The following ADAMTSL1 variants were observed in gnomAD, a reference collection of about 807,000 sequenced individuals.
The protein encoded by ADAMTSL1 is ADAMTS like 1.
ADAMTSL1 carries 126 observed loss-of-function variants against 201.8 expected under a neutral mutation model. That is an observed-to-expected ratio of 0.62 (90% CI 0.54 to 0.72). The LOEUF is 0.72. Ranked by LOEUF, ADAMTSL1 falls within the 30% of genes least tolerant of loss-of-function variation. ADAMTSL1 has a pLI of 0.00. For synonymous variants in ADAMTSL1, 1,121 were observed against 903.4 expected (o/e 1.24, Z -4.32); for missense variants, 2,679 against 2,277.8 (o/e 1.18, Z -3.59).
intron 23 of ADAMTSL1, among the ~76,000 whole-genome samples, chr9:18,887,068 A>G (rs1828944618): frequency 6.6e-6 from 1 of 152,204 alleles, no homozygotes; most frequent in Non-Finnish European, 1.5e-5. Context: ...TTACACTTCC[A>G]AAGAAATTCT....
chr9:18,170,906 G>A (rs1187241201), intron 2 of ADAMTSL1, among the ~76,000 whole-genome samples: 1 of 151,966 alleles, frequency 6.6e-6, no homozygotes, highest in African/African-American at 2.4e-5. Flanking sequence ...ATTGTACCAG[G>A]AATACATCAT....
At chr9:18,663,102 G>A (rs1829207713) in intron 9 of ADAMTSL1, among the ~76,000 whole-genome samples, 2 of 152,052 alleles carry the variant, frequency 1.3e-5, no homozygotes. Flanking sequence ...TCTATTTTGA[G>A]GTGATAAGCA....
chr9:17,909,162 G>C (rs1182286554), intron 1 of ADAMTSL1, among the ~76,000 whole-genome samples: 2 of 145,370 alleles, frequency 1.4e-5, no homozygotes, highest in Non-Finnish European at 3.1e-5. Flanking sequence ...ACTTTTTGAT[G>C]GGGTTGTTTG....
chr9:18,669,649 G>C (rs1829691847), intron 9 of ADAMTSL1, among the ~76,000 whole-genome samples: 2 of 152,262 alleles, frequency 1.3e-5, no homozygotes, highest in Admixed American at 1.3e-4. Flanking sequence ...AAGTCATGAA[G>C]TGTCACAGGA....
In ADAMTSL1 at chr9:18,908,661, C is replaced by T; in HGVS notation, c.*113C>T. On this transcript the variant is annotated 3_prime_UTR_variant, in exon 29 of 29. Transcript: ENST00000380548. ...TTTATTTATTTCCCCCTCCCCACTC[C>T]ACACACACCCTTCCAACCTCCTCCA... 1.2e-6 allele frequency: 1 copy of T among 825,736 alleles called. No individual in the cohort carries two copies. Among genetic ancestry groups the T allele is most frequent in the Non-Finnish European group, 1.9e-6 (1 of 532,314 alleles). The allele number at this position is 825,736 out of a possible 1,614,324, so 51.2% of individuals were successfully genotyped here. A position where few individuals can be genotyped will look rare whatever the true frequency, so the allele number is the denominator to read the frequency against.
intron 20 of ADAMTSL1, among the ~76,000 whole-genome samples, chr9:18,810,533 C>T (rs1356730421): frequency 6.6e-6 from 1 of 152,160 alleles, no homozygotes; most frequent in Non-Finnish European, 1.5e-5. Context: ...TTAATGAAAG[C>T]AGAGAAGAGT....
chr9:18,800,937 G>C (rs1261913296), intron 20 of ADAMTSL1, among the ~76,000 whole-genome samples: 1 of 151,994 alleles, frequency 6.6e-6, no homozygotes, highest in Non-Finnish European at 1.5e-5. Flanking sequence ...AATTAGAAGA[G>C]GTAATGGTAG....
At chr9:18,754,128 A>G (rs1291998636) in intron 16 of ADAMTSL1, among the ~76,000 whole-genome samples, 1 of 152,166 alleles carries the variant, frequency 6.6e-6, no homozygotes, top group Non-Finnish European at 1.5e-5. Context: ...CCATTATTTT[A>G]CGTACCGTCT....
intron 1 of ADAMTSL1, among the ~76,000 whole-genome samples, chr9:18,500,815 C>T (rs1183328473): frequency 1.3e-5 from 2 of 152,180 alleles, no homozygotes; most frequent in African/African-American, 2.4e-5. Flanking sequence ...ACTAGTGAAA[C>T]ATTGCCTTAC....
intron 14 of ADAMTSL1, among the ~76,000 whole-genome samples, chr9:18,715,464 C>A (rs575719128): frequency 6.6e-6 from 1 of 152,124 alleles, no homozygotes; most frequent in African/African-American, 2.4e-5. Context: ...AGAGCCAAAT[C>A]ATGCGTGAAC....
At chr9:18,626,925 T>C (rs1470895795) in intron 5 of ADAMTSL1, among the ~76,000 whole-genome samples, 2 of 150,016 alleles carry the variant, frequency 1.3e-5, no homozygotes, top group African/African-American at 5.0e-5. Flanking sequence ...TTTTTCTTTT[T>C]CTTTCTTTCT....
chr9:18,614,407 T>C (rs147907578), intron 4 of ADAMTSL1, among the ~76,000 whole-genome samples: 29 of 152,324 alleles, frequency 1.9e-4, no homozygotes, highest in Non-Finnish European at 3.2e-4. Flanking sequence ...ATCCTAGTAA[T>C]GCGATTTGCG....
intron 1 of ADAMTSL1, among the ~76,000 whole-genome samples, chr9:18,017,431 A>G (rs577971992): frequency 2.0e-5 from 3 of 151,936 alleles, no homozygotes; most frequent in Non-Finnish European, 2.9e-5. Flanking sequence ...AATCCCCCCA[A>G]ATTTGAGAAG....
intron 4 of ADAMTSL1, among the ~76,000 whole-genome samples, chr9:18,604,863 T>C (rs1387477857): frequency 6.6e-6 from 1 of 152,196 alleles, no homozygotes; most frequent in Non-Finnish European, 1.5e-5. Flanking sequence ...TGCACCATTT[T>C]ACATTCCCAC....
intron 2 of ADAMTSL1, among the ~76,000 whole-genome samples, chr9:18,418,390 A>T (rs865833779): frequency 1.1e-4 from 17 of 152,152 alleles, no homozygotes; most frequent in African/African-American, 3.9e-4. Flanking sequence ...AAAGAAATGA[A>T]AATTATACAG....
chr9:18,192,112 C>T (rs530956418), intron 2 of ADAMTSL1, among the ~76,000 whole-genome samples: 3 of 152,198 alleles, frequency 2.0e-5, no homozygotes, highest in Non-Finnish European at 2.9e-5. Context: ...TTAATTAAGT[C>T]CATTTAACTT....
chr9:18,314,986 C>T (rs1040852802), intron 2 of ADAMTSL1, among the ~76,000 whole-genome samples: 4 of 150,634 alleles, frequency 2.7e-5, no homozygotes, highest in African/African-American at 4.9e-5. Flanking sequence ...TTAGTAGAGA[C>T]GGGGTTTCAC....
intron 1 of ADAMTSL1, among the ~76,000 whole-genome samples, chr9:18,498,780 C>A (rs1822674458): frequency 6.6e-6 from 1 of 152,212 alleles, no homozygotes; most frequent in African/African-American, 2.4e-5. Flanking sequence ...TGTTCAACCT[C>A]ACAGCCTCAA....
At chr9:18,389,726 C>T (rs552271584) in intron 2 of ADAMTSL1, among the ~76,000 whole-genome samples, 4 of 152,036 alleles carry the variant, frequency 2.6e-5, no homozygotes, top group Admixed American at 2.0e-4. Flanking sequence ...GTGGTGAGTA[C>T]TTGATAAATA....
Sources: gnomAD v4.1 joint callset for allele counts (sites outside exome capture counted in the v4.1 genomes callset) on GRCh38, gnomAD v4.1.1 for gene constraint, MANE v1.5 for transcripts, NCBI Gene and HGNC (gene_info 2026-07-23, HGNC 2026-07-21) for gene names.